Variants in HRK observed in about 807,000 individuals in gnomAD.
HRK encodes the protein activator of apoptosis harakiri.
In HRK, 6 loss-of-function variants were observed where a neutral mutation model predicts 5.9. The observed-to-expected ratio is 1.02, with a 90% CI of 0.56 to 2.01. HRK has a LOEUF of 2.01. Ranked by LOEUF, HRK falls within the 30% of genes most tolerant of loss-of-function variation. The pLI is 0.00. For missense variants in HRK, 133 were observed against 128.3 expected (o/e 1.04, Z -0.18); for synonymous variants, 85 against 65.1 (o/e 1.31, Z -1.47).
intron 1 of HRK, among the ~76,000 whole-genome samples, chr12:116,872,057 T>C (rs1194285346): frequency 6.6e-6 from 1 of 152,142 alleles, no homozygotes; most frequent in African/African-American, 2.4e-5. Flanking sequence ...ATGTAAATGA[T>C]GGACTAACCA....
rs1879142066 is a variant in HRK, at chr12:116,881,208, C to A, written c.100G>T (p.Ala34Ser). The change falls in exon 1 of 2, where the codon GCC (alanine) becomes TCC (serine). Residue 34 changes from alanine to serine, a missense_variant. Ala to Ser is a moderately conservative substitution (Grantham distance 99). Transcript: ENST00000257572. ...TCGCCTAGCGCCTTGAGCCGGGCGG[C>A]GGTGAGCTGCGCGGCGGACGAGCGC... Reference protein sequence around the residue: ...GLRSSAAQLTAARLKALGDEL... With the variant: ...GLRSSAAQLTSARLKALGDEL... 8.9e-6 allele frequency: 10 copies of A among 1,125,698 alleles called. No individual in the cohort carries two copies. The highest frequency in any genetic ancestry group is 8.7e-6 in the Non-Finnish European group (8 of 921,954). 69.7% of individuals were successfully genotyped at this position (1,125,698 alleles called of 1,614,324 possible).
chr12:116,872,905 AAAAGAGAAAGGAAGAAAGAAAGG>A (rs142967855), intron 1 of HRK, among the ~76,000 whole-genome samples: 3 of 136,366 alleles, frequency 2.2e-5, no homozygotes, highest in South Asian at 2.1e-4. Flanking sequence ...GAAAGAGAGA[AAAAGAGAAAGGAAGAAAGAAAGG>A]AAAGAGAAAT....
At position 116,881,291 on chromosome 12, in the gene HRK, A is replaced by G; in HGVS notation, c.17T>C (p.Leu6Pro). Reference protein sequence around the residue: MCPCPLHRGRGPPAVC... With the variant: MCPCPPHRGRGPPAVC... ...GGCCGGGGGGCCGCGGCCGCGGTGC[A>G]GGGGGCACGGGCACATGACCGCTGG... is the stretch of plus-strand genomic sequence containing the variant. The change falls in exon 1 of 2, where the codon CTG becomes CCG. Residue 6 changes from leucine (L) to proline (P), a missense_variant. Transcript: ENST00000257572. 9.4e-7 allele frequency: 1 copy of G among 1,068,010 alleles called. No individual in the cohort carries two copies. The highest frequency in any genetic ancestry group is 1.1e-6 in the Non-Finnish European group (1 of 885,236). The allele number at this position is 1,068,010 out of a possible 1,614,324, so 66.2% of individuals were successfully genotyped here. A position where few individuals can be genotyped will look rare whatever the true frequency, so the allele number is the denominator to read the frequency against.
chr12:116,867,193 G>A (rs1027335645), intron 1 of HRK, among the ~76,000 whole-genome samples: 15 of 151,252 alleles, frequency 9.9e-5, no homozygotes, highest in Admixed American at 8.6e-4. Flanking sequence ...CCAGGCTGGA[G>A]TGCAATAGCG....
intron 1 of HRK, among the ~76,000 whole-genome samples, chr12:116,867,273 C>G (rs1878581181): frequency 6.6e-6 from 1 of 151,920 alleles, no homozygotes; most frequent in Non-Finnish European, 1.5e-5. Context: ...TCCCAAGTAG[C>G]TGGGATTACA....
At chr12:116,870,238 A>G (rs73393783) in intron 1 of HRK, among the ~76,000 whole-genome samples, 4 of 152,140 alleles carry the variant, frequency 2.6e-5, no homozygotes, top group Non-Finnish European at 5.9e-5. Flanking sequence ...ATTTTACAGG[A>G]CTTATTAAGT....
chr12:116,871,007 C>T (rs896816271), intron 1 of HRK, among the ~76,000 whole-genome samples: 9 of 152,218 alleles, frequency 5.9e-5, no homozygotes, highest in Non-Finnish European at 1.0e-4. Flanking sequence ...CAACCTCTGC[C>T]TCCTGGGTTC....
At chr12:116,874,961 G>C (rs1449248449) in intron 1 of HRK, among the ~76,000 whole-genome samples, 1 of 152,166 alleles carries the variant, frequency 6.6e-6, no homozygotes, top group Admixed American at 6.5e-5. Flanking sequence ...CAGAATGTGT[G>C]AGCATGGTCA....
Position 116,879,089 on chromosome 12 carries a change from A to T in HRK, c.*56+1887T>A, listed in dbSNP as rs936592088. On this transcript the variant is annotated intron_variant, in intron 1 of 1. Transcript: ENST00000257572. This position sits in a 1 kb window ranked among gnomAD's most constrained non-coding sequence, Gnocchi z 5.6. ...GACACTCACACACCGGCAAACAGGA[A>T]CACACAGTCAGGCTCCGGCCCGGAG... 3.3e-5 allele frequency: 5 copies of T among 152,128 alleles called. No homozygotes were observed. Among genetic ancestry groups the T allele is most frequent in the African/African-American group, 1.2e-4 (5 of 41,420 alleles). The allele number at this position is 152,128 out of a possible 1,614,324, so 9.4% of individuals were successfully genotyped here. A position where few individuals can be genotyped will look rare whatever the true frequency, so the allele number is the denominator to read the frequency against.
intron 1 of HRK, among the ~76,000 whole-genome samples, chr12:116,871,407 A>T (rs1878743293): frequency 6.6e-6 from 1 of 151,206 alleles, no homozygotes; most frequent in Non-Finnish European, 1.5e-5. Context: ...GATTCAAGCG[A>T]TTCTCTTGCC....
Position 116,880,969 on chromosome 12 carries a change from C to T in HRK, c.*56+7G>A. 8.2e-7 allele frequency: 1 copy of T among 1,214,308 alleles called. No homozygotes were observed. Among genetic ancestry groups the T allele is most frequent in the Non-Finnish European group, 1.0e-6 (1 of 957,190 alleles). 75.2% of individuals were successfully genotyped at this position (1,214,308 alleles called of 1,614,324 possible). ...GCGCCCCGGCTCTCGCTCGCTCGCT[C>T]GCGTACCTGTTGCTCGCTCCGGCTG... On this transcript the variant is annotated splice_region_variant and intron_variant, in intron 1 of 1. Coordinates refer to ENST00000257572, the MANE Select transcript of HRK (RefSeq NM_003806.4).
chr12:116,880,715 C>A (rs1007485838), intron 1 of HRK, among the ~76,000 whole-genome samples: 2 of 152,144 alleles, frequency 1.3e-5, no homozygotes, highest in Non-Finnish European at 2.9e-5. Flanking sequence ...CTCCGCAAGC[C>A]ACTGAGCTAT....
At chr12:116,873,231 C>T (rs1287340710) in intron 1 of HRK, among the ~76,000 whole-genome samples, 3 of 152,234 alleles carry the variant, frequency 2.0e-5, no homozygotes, top group African/African-American at 7.2e-5. Flanking sequence ...AAAGTCCTGG[C>T]TCAAGCAATC....
At chr12:116,863,454 A>C (rs193179511) in intron 1 of HRK, among the ~76,000 whole-genome samples, 2 of 152,092 alleles carry the variant, frequency 1.3e-5, no homozygotes, top group Admixed American at 6.5e-5. Context: ...GCTCCCCTCT[A>C]TGGCCAAGCC....
rs1264439509 is a variant in HRK, at chr12:116,878,640, C to CG, written c.*56+2335dup. 1 of 153,100 alleles carries CG rather than the reference C, an allele frequency of 6.5e-6. No homozygotes were observed. The highest frequency in any genetic ancestry group is 6.5e-5 in the Admixed American group (1 of 15,280). 9.5% of individuals were successfully genotyped at this position (153,100 alleles called of 1,614,324 possible). A position where few individuals can be genotyped will look rare whatever the true frequency, so the allele number is the denominator to read the frequency against. ...GGAAGGCGGGTGGTGAGCAATTCTA[C>CG]GGGTGTCCCGAGGGTATGAGGGGCG... On this transcript the variant is annotated intron_variant, in intron 1 of 1. Transcript: ENST00000257572. This position sits in a 1 kb window ranked among gnomAD's most constrained non-coding sequence, Gnocchi z 4.4.
chr12:116,874,678 G>C (rs73393787), intron 1 of HRK, among the ~76,000 whole-genome samples: 4,047 of 152,270 alleles, frequency 0.027, 177 homozygotes, highest in African/African-American at 0.092. Flanking sequence ...AGCTGGGACA[G>C]AAAAAGCAAA....
Position 116,867,126 on chromosome 12 carries a change from CAT to C in HRK, c.*57-5662_*57-5661del, listed in dbSNP as rs35276595. On this transcript the variant is annotated intron_variant, in intron 1 of 1. Coordinates refer to ENST00000257572, the MANE Select transcript of HRK (RefSeq NM_003806.4). ...GCCACATAATGAGACTCCATCTACA[CAT>C]ATACAAAAAAAAACTTTTTTTTTTT... is the stretch of plus-strand genomic sequence containing the variant. Among the ~76,000 whole-genome samples the C allele has an allele frequency of 7.5e-3, 1,123 of 150,224 alleles. 10 individuals carry two copies. The highest frequency in any genetic ancestry group is 0.026 in the African/African-American group (1,061 of 40,864).
intron 1 of HRK, among the ~76,000 whole-genome samples, chr12:116,872,874 G>T (rs1271471312): frequency 2.2e-5 from 3 of 137,694 alleles, no homozygotes. Context: ...AGGGAGGCAG[G>T]CAGGGAGGGA....
At chr12:116,872,586 G>A (rs961318063) in intron 1 of HRK, among the ~76,000 whole-genome samples, 1 of 150,968 alleles carries the variant, frequency 6.6e-6, no homozygotes, top group African/African-American at 2.4e-5. Context: ...ACCAGCCTGG[G>A]CAACATAGCA....
Sources: gnomAD v4.1 joint callset for allele counts (sites outside exome capture counted in the v4.1 genomes callset) on GRCh38, gnomAD v4.1.1 for gene constraint, Gnocchi (gnomAD v3.1) non-coding constraint, MANE v1.5 for transcripts, NCBI Gene and HGNC (gene_info 2026-07-23, HGNC 2026-07-21) for gene names.